The following GPCPD1 variants were observed in gnomAD, a reference collection of about 807,000 sequenced individuals.
GPCPD1 encodes glycerophosphocholine phosphodiesterase GPCPD1.
In GPCPD1, 29 loss-of-function variants were observed where a neutral mutation model predicts 89.2. That is an observed-to-expected ratio of 0.33 (90% CI 0.24 to 0.44). The LOEUF is 0.44. Among genes scored for constraint, GPCPD1 ranks in the 20% least tolerant of loss-of-function variants. The pLI is 1.00. For synonymous variants in GPCPD1, 258 were observed against 266.3 expected (o/e 0.97, Z 0.30); for missense variants, 594 against 808.9 (o/e 0.73, Z 3.22).
At chr20:5,589,415 C>T (rs1386852552) in intron 4 of GPCPD1, among the ~76,000 whole-genome samples, 2 of 152,298 alleles carry the variant, frequency 1.3e-5, no homozygotes, top group Non-Finnish European at 2.9e-5. Flanking sequence ...AGTTAGAGAA[C>T]AGCCTGACCA....
chr20:5,569,540 C>T (rs566773935), intron 12 of GPCPD1, among the ~76,000 whole-genome samples: 156 of 152,030 alleles, frequency 1.0e-3, no homozygotes, highest in African/African-American at 3.6e-3. Context: ...TCTTCTGGTC[C>T]CCTACTCCAA....
At chr20:5,582,318 G>A (rs1055975437) in intron 6 of GPCPD1, among the ~76,000 whole-genome samples, 1 of 148,822 alleles carries the variant, frequency 6.7e-6, no homozygotes, top group Non-Finnish European at 1.5e-5. Flanking sequence ...TTCAAGTACT[G>A]TACACTGTTT....
chr20:5,602,878 G>C (rs1296255619), intron 2 of GPCPD1, among the ~76,000 whole-genome samples: 1 of 151,784 alleles, frequency 6.6e-6, no homozygotes, highest in African/African-American at 2.4e-5. Flanking sequence ...AGCTACTCAG[G>C]AGCCCAAAAC....
At chr20:5,605,178 G>T (rs950271250) in intron 1 of GPCPD1, among the ~76,000 whole-genome samples, 3 of 152,114 alleles carry the variant, frequency 2.0e-5, no homozygotes, top group African/African-American at 7.2e-5. Flanking sequence ...ATACATGCCC[G>T]AAATACACAC....
chr20:5,567,971 G>T (rs1986487760), intron 12 of GPCPD1: 1 of 153,138 alleles, frequency 6.5e-6, no homozygotes, highest in South Asian at 2.1e-4. Flanking sequence ...ATTTATTTCT[G>T]TAAGTTTCTA....
intron 14 of GPCPD1, among the ~76,000 whole-genome samples, chr20:5,565,431 G>A (rs890792504): frequency 2.6e-5 from 4 of 151,816 alleles, no homozygotes; most frequent in African/African-American, 9.7e-5. Context: ...ATGAGGTCTA[G>A]TTGCTCAGGC....
rs773258622 is a variant in GPCPD1 at position 5,561,450 on chromosome 20, T to C, written c.1395+15A>G. On this transcript the variant is annotated intron_variant, in intron 16 of 19. Transcript: ENST00000379019. ...CATAGAGAGTATAGAATGTGCTGCA[T>C]AGAGAATTACTTACCCTTTGCTGGC... 1.5e-5 allele frequency: 22 copies of C among 1,451,038 alleles called. No homozygotes were observed. The highest frequency in any genetic ancestry group is 8.4e-5 in the Admixed American group (5 of 59,422). The allele number at this position is 1,451,038 out of a possible 1,614,324, so 89.9% of individuals were successfully genotyped here. A position where few individuals can be genotyped will look rare whatever the true frequency, so the allele number is the denominator to read the frequency against.
At chr20:5,550,187 A>G (rs1449553713) in intron 19 of GPCPD1, among the ~76,000 whole-genome samples, 1 of 150,738 alleles carries the variant, frequency 6.6e-6, no homozygotes, top group Non-Finnish European at 1.5e-5. Flanking sequence ...GAGTGAGACT[A>G]TCTCAAAAAA....
chr20:5,549,947 C>T (rs1473014622), intron 19 of GPCPD1, among the ~76,000 whole-genome samples: 1 of 151,982 alleles, frequency 6.6e-6, no homozygotes, highest in Non-Finnish European at 1.5e-5. Context: ...AATCCCAGCA[C>T]TTTGGGAGGA....
chr20:5,586,322 C>T (rs531904249), intron 4 of GPCPD1, 53 bp from the exon 5 acceptor site: 5 of 949,108 alleles, frequency 5.3e-6, no homozygotes, highest in South Asian at 5.2e-5. Flanking sequence ...TTATTTTCTA[C>T]CCATGACTCC....
intron 3 of GPCPD1, 66 bp from the exon 4 acceptor site, chr20:5,593,477 A>C: frequency 1.2e-6 from 1 of 840,584 alleles, no homozygotes; most frequent in South Asian, 1.4e-5. Context: ...AGACTTCTTA[A>C]TTCACAAAAC....
intron 1 of GPCPD1, among the ~76,000 whole-genome samples, chr20:5,608,222 T>G (rs890986086): frequency 2.6e-4 from 39 of 152,170 alleles, no homozygotes; most frequent in African/African-American, 8.9e-4. Context: ...TCAAAGATGT[T>G]TGGAAGAGTG....
chr20:5,581,814 CTTTTTTTTTT>C (rs11479995), intron 6 of GPCPD1, among the ~76,000 whole-genome samples: 81 of 75,024 alleles, frequency 1.1e-3, no homozygotes, highest in African/African-American at 4.6e-3. Flanking sequence ...GGGACTTTAA[CTTTTTTTTTT>C]TTTTTTTTTT....
chr20:5,565,121 T>A, intron 14 of GPCPD1, 43 bp from the exon 15 acceptor site: 1 of 953,314 alleles, frequency 1.0e-6, no homozygotes, highest in Non-Finnish European at 1.7e-6. Flanking sequence ...AAAATGCCAC[T>A]ATATCACTAA....
intron 19 of GPCPD1, among the ~76,000 whole-genome samples, chr20:5,551,720 G>A (rs952066067): frequency 4.6e-5 from 7 of 152,050 alleles, no homozygotes; most frequent in Non-Finnish European, 8.8e-5. Flanking sequence ...GCAGTGAGCC[G>A]AGACAGTGCC....
chr20:5,606,314 A>G (rs1173916611), intron 1 of GPCPD1, among the ~76,000 whole-genome samples: 3 of 151,594 alleles, frequency 2.0e-5, no homozygotes, highest in Non-Finnish European at 4.4e-5. Context: ...CCCCCCACCA[A>G]TGTTACAAGA....
intron 1 of GPCPD1, among the ~76,000 whole-genome samples, 176 bp from the exon 2 acceptor site, chr20:5,604,616 G>A (rs1014369257): frequency 1.5e-5 from 1 of 66,712 alleles, no homozygotes; most frequent in South Asian, 7.9e-4. Flanking sequence ...TAGTGCGGGG[G>A]GGGGGGGGCG....
chr20:5,567,379 A>G, intron 13 of GPCPD1, 104 bp downstream of exon 13: 1 of 1,342,218 alleles, frequency 7.5e-7, no homozygotes. Flanking sequence ...TACACATTAA[A>G]TTTAACAGTC....
intron 12 of GPCPD1, 63 bp downstream of exon 12, chr20:5,570,083 AC>A (rs1292388639): frequency 2.2e-5 from 16 of 722,058 alleles, no homozygotes; most frequent in Middle Eastern, 3.2e-4. Context: ...ATATAAAAAA[AC>A]TTCCTAGTTT....
Sources: allele counts gnomAD v4.1 joint callset (sites outside exome capture counted in the v4.1 genomes callset), GRCh38; gene constraint gnomAD v4.1.1; transcripts MANE v1.5; gene names NCBI Gene and HGNC (gene_info 2026-07-23, HGNC 2026-07-21).